SORBS2: variants seen among roughly 807,000 people sequenced by gnomAD.
SORBS2 encodes the protein sorbin and SH3 domain-containing protein 2.
In SORBS2, 46 loss-of-function variants were observed where a neutral mutation model predicts 97.7. The observed-to-expected ratio is 0.47, with a 90% CI of 0.37 to 0.60. The LOEUF is 0.60. SORBS2 is among the 20% of genes least tolerant of loss of function. SORBS2 has a pLI of 0.00. For missense variants in SORBS2, 1,316 were observed against 1,282.3 expected (o/e 1.03, Z -0.40); for synonymous variants, 476 against 473.4 (o/e 1.01, Z -0.07).
chr4:185,593,795 G>A (rs572870961), intron 13 of SORBS2, 91 bp downstream of exon 25: 6 of 817,684 alleles, frequency 7.3e-6, no homozygotes, highest in East Asian at 4.9e-5. Context: ...GATCTTTCAC[G>A]TGCAAAGCCA....
At chr4:185,601,156 C>T (rs558162910) in intron 12 of SORBS2, among the ~76,000 whole-genome samples, 1 of 152,202 alleles carries the variant, frequency 6.6e-6, no homozygotes, top group Non-Finnish European at 1.5e-5. Flanking sequence ...TCCCCAGCCT[C>T]TCGGGATGAA....
chr4:185,710,186 C>T (rs62334779), intron 2 of SORBS2, among the ~76,000 whole-genome samples: 92 of 98,858 alleles, frequency 9.3e-4, no homozygotes, highest in African/African-American at 2.9e-3. Flanking sequence ...TAACTCTTTT[C>T]CCCAAGACTG....
At chr4:185,952,599 G>A (rs1229090485) in intron 1 of SORBS2, among the ~76,000 whole-genome samples, 1 of 152,208 alleles carries the variant, frequency 6.6e-6, no homozygotes, top group African/African-American at 2.4e-5. Context: ...CCCTTGAATA[G>A]GGAGAGTCTG....
At chr4:185,804,699 A>G (rs1226715378) in intron 1 of SORBS2, among the ~76,000 whole-genome samples, 1 of 152,098 alleles carries the variant, frequency 6.6e-6, no homozygotes, top group Non-Finnish European at 1.5e-5. Context: ...AGTGAAATCT[A>G]TATAAATTAT....
chr4:185,898,885 A>G (rs947033812), intron 1 of SORBS2, among the ~76,000 whole-genome samples: 1 of 152,156 alleles, frequency 6.6e-6, no homozygotes, highest in African/African-American at 2.4e-5. Flanking sequence ...CCCACACGAT[A>G]TTGTGGATGA....
chr4:185,777,583 T>C (rs12640132), intron 1 of SORBS2, among the ~76,000 whole-genome samples: 18,979 of 152,170 alleles, frequency 0.12, 1,561 homozygotes, highest in East Asian at 0.32. Flanking sequence ...CTCATAGGAA[T>C]AATGCACAGA....
chr4:185,795,389 C>G (rs2099100028), intron 1 of SORBS2, among the ~76,000 whole-genome samples: 1 of 152,180 alleles, frequency 6.6e-6, no homozygotes. Context: ...CCTGCCTCAG[C>G]AATCTTTGAT....
At position 185,798,117 on chromosome 4, in the gene SORBS2, A is replaced by G. The variant is rs118024746; in HGVS notation, c.-337-22751T>C. Among the ~76,000 whole-genome samples the G allele has an allele frequency of 3.9e-5, 6 of 152,280 alleles. No individual in the cohort carries two copies. The East Asian group carries it at 1.2e-3, about 29-fold the overall frequency. ...GTGTGCCTTTTACATGAACTCATGC[A>G]TACACCAAGAATGATAGTAATGCCT... is the stretch of plus-strand genomic sequence containing the variant. On this transcript the variant is annotated intron_variant, in intron 1 of 20. Transcript: ENST00000284776.
intron 4 of SORBS2, among the ~76,000 whole-genome samples, chr4:185,637,719 T>G (rs1056648169): frequency 1.8e-4 from 28 of 152,104 alleles, no homozygotes; most frequent in Admixed American, 1.4e-3. Flanking sequence ...GGACTCAATG[T>G]CAAGGTGCTC....
At chr4:185,792,157 TAG>T (rs1226944296) in intron 1 of SORBS2, among the ~76,000 whole-genome samples, 1 of 152,258 alleles carries the variant, frequency 6.6e-6, no homozygotes, top group South Asian at 2.1e-4. Context: ...GGCCCCATTC[TAG>T]ATACATCTCC....
chr4:185,745,254 G>A (rs750533660), intron 2 of SORBS2, among the ~76,000 whole-genome samples: 37 of 152,274 alleles, frequency 2.4e-4, no homozygotes, highest in Middle Eastern at 6.8e-3. Context: ...GTCTCTATCC[G>A]AGAGTGCATG....
At chr4:185,640,951 G>A (rs1326700856) in intron 4 of SORBS2, among the ~76,000 whole-genome samples, 9 of 152,094 alleles carry the variant, frequency 5.9e-5, no homozygotes, top group Admixed American at 5.2e-4. Context: ...TTTTGCCAAG[G>A]GGAGATAGAA....
intron 4 of SORBS2, 62 bp downstream of exon 15, chr4:185,638,017 T>G: frequency 9.9e-7 from 1 of 1,014,518 alleles, no homozygotes; most frequent in Non-Finnish European, 1.6e-6. Context: ...CTGATAATTG[T>G]ATTTTAGAAA....
chr4:185,952,577 T>C (rs1278057050), intron 1 of SORBS2, among the ~76,000 whole-genome samples: 1 of 152,206 alleles, frequency 6.6e-6, no homozygotes, highest in African/African-American at 2.4e-5. Context: ...AATCAAGGCA[T>C]GCAGTGCAGT....
chr4:185,801,186 T>C (rs2099128708), intron 1 of SORBS2, among the ~76,000 whole-genome samples: 1 of 152,248 alleles, frequency 6.6e-6, no homozygotes, highest in South Asian at 2.1e-4. Flanking sequence ...CTCATATGTA[T>C]GCTGTTGCAA....
chr4:185,934,609 A>G (rs1466600535), intron 1 of SORBS2, among the ~76,000 whole-genome samples: 1 of 151,920 alleles, frequency 6.6e-6, no homozygotes, highest in Non-Finnish European at 1.5e-5. Context: ...AAAAATACAA[A>G]AAACAACAAC....
chr4:185,838,272 A>T (rs2099209332), intron 1 of SORBS2, among the ~76,000 whole-genome samples: 1 of 152,308 alleles, frequency 6.6e-6, no homozygotes, highest in East Asian at 1.9e-4. Flanking sequence ...CTCTGTTCCC[A>T]TGGCTGTGAA....
intron 2 of SORBS2, among the ~76,000 whole-genome samples, chr4:185,769,059 G>A (rs1280902156): frequency 1.3e-5 from 2 of 151,800 alleles, no homozygotes; most frequent in Non-Finnish European, 2.9e-5. Flanking sequence ...ACAAAATGAT[G>A]CGGGAGCATC....
At chr4:185,652,508 G>T (rs975328202) in intron 2 of SORBS2, among the ~76,000 whole-genome samples, 154 bp downstream of exon 10, 2 of 152,176 alleles carry the variant, frequency 1.3e-5, no homozygotes, top group Non-Finnish European at 2.9e-5. Context: ...CACCGGAGGG[G>T]TGACAGAAGG....
Sources: allele counts gnomAD v4.1 joint callset (sites outside exome capture counted in the v4.1 genomes callset), GRCh38; gene constraint gnomAD v4.1.1; transcripts MANE v1.5; gene names NCBI Gene and HGNC (gene_info 2026-07-23, HGNC 2026-07-21).